Variants in ABCB5 observed in about 807,000 individuals in gnomAD.
The protein encoded by ABCB5 is ATP binding cassette subfamily B member 5.
Under a neutral mutation model 144.2 loss-of-function variants are expected in ABCB5, and 155 were observed. That is an observed-to-expected ratio of 1.08 (90% confidence interval 0.94 to 1.23). The LOEUF is 1.23. Ranked by LOEUF, ABCB5 falls within the 50% of genes most tolerant of loss-of-function variation. The pLI, the probability that ABCB5 is intolerant of heterozygous loss-of-function variation, is 0.00. For missense variants in ABCB5, 1,830 were observed against 1,520.8 expected, an observed-to-expected ratio of 1.20 and a Z score of -3.38; for synonymous variants, 610 against 528.6, an observed-to-expected ratio of 1.15 and a Z score of -2.11.
chr7:20,656,671 G>A (rs1217764662), intron 13 of ABCB5, among the ~76,000 whole-genome samples: 2 of 145,996 alleles, frequency 1.4e-5, no homozygotes, highest in Non-Finnish European at 3.0e-5. Flanking sequence ...AGTGAAATCA[G>A]TATAATCATT....
At chr7:20,684,013 A>G (rs1420291082) in intron 15 of ABCB5, among the ~76,000 whole-genome samples, 5 of 152,216 alleles carry the variant, frequency 3.3e-5, no homozygotes, top group African/African-American at 1.2e-4. Flanking sequence ...CAGTGCATCA[A>G]TTTCCTAACC....
chr7:20,680,906 A>C (rs1045808165), intron 14 of ABCB5, among the ~76,000 whole-genome samples: 2 of 152,032 alleles, frequency 1.3e-5, no homozygotes, highest in African/African-American at 4.8e-5. Flanking sequence ...CAAGGATAAG[A>C]TACTTGAATA....
intron 19 of ABCB5, among the ~76,000 whole-genome samples, chr7:20,703,048 C>A (rs986381448): frequency 6.6e-6 from 1 of 152,028 alleles, no homozygotes; most frequent in Non-Finnish European, 1.5e-5. Flanking sequence ...CAGATAATGA[C>A]TAAGATTAAT....
chr7:20,671,176 G>A (rs1785451275), intron 14 of ABCB5, among the ~76,000 whole-genome samples: 1 of 152,060 alleles, frequency 6.6e-6, no homozygotes, highest in African/African-American at 2.4e-5. Flanking sequence ...CTATATCACA[G>A]TTGTCCCCAA....
rs955465893 is a variant in ABCB5 at position 20,660,368 on chromosome 7, G to C, written c.1707+1692G>C. On this transcript the variant is annotated intron_variant, in intron 14 of 27. Transcript: ENST00000404938. ...CCCTGTTTTTCAGTTGTTTAAAGGA[G>C]AAAGAGATTAAATCAATGTAGAAAT... 35 of 985,506 alleles carry C rather than the reference G, an allele frequency of 3.6e-5. No individual in the cohort carries two copies. In the African/African-American group the frequency reaches 6.1e-4, roughly 17 times the overall value. 61.0% of individuals were successfully genotyped at this position (985,506 alleles called of 1,614,324 possible). A position where few individuals can be genotyped will look rare whatever the true frequency, so the allele number is the denominator to read the frequency against.
intron 3 of ABCB5, among the ~76,000 whole-genome samples, chr7:20,627,563 G>C (rs1435676127): frequency 6.6e-6 from 1 of 151,768 alleles, no homozygotes; most frequent in Non-Finnish European, 1.5e-5. Context: ...CTCATGATTT[G>C]GTTTTGGACA....
intron 5 of ABCB5, among the ~76,000 whole-genome samples, chr7:20,635,424 G>C (rs1333340733): frequency 6.7e-6 from 1 of 148,770 alleles, no homozygotes; most frequent in Non-Finnish European, 1.5e-5. Context: ...TTTTAGGACT[G>C]TCTTTTCTAA....
At chr7:20,647,074 A>G (rs1784428528) in intron 9 of ABCB5, among the ~76,000 whole-genome samples, 1 of 152,180 alleles carries the variant, frequency 6.6e-6, no homozygotes, top group Non-Finnish European at 1.5e-5. Flanking sequence ...GTCCCCTAAT[A>G]CAAAAATTCA....
At chr7:20,675,446 A>C (rs1039338197) in intron 14 of ABCB5, among the ~76,000 whole-genome samples, 3 of 152,034 alleles carry the variant, frequency 2.0e-5, no homozygotes, top group Non-Finnish European at 4.4e-5. Flanking sequence ...TCCACATGCA[A>C]AAGAATGAAA....
intron 15 of ABCB5, 49 bp downstream of exon 15, chr7:20,681,715 G>C (rs751015534): frequency 6.3e-7 from 1 of 1,587,298 alleles, no homozygotes; most frequent in Non-Finnish European, 8.6e-7. Flanking sequence ...TAACGTTTCA[G>C]AGATCATACC....
intron 16 of ABCB5, among the ~76,000 whole-genome samples, chr7:20,694,617 G>T (rs1363500316): frequency 6.6e-6 from 1 of 151,956 alleles, no homozygotes; most frequent in Non-Finnish European, 1.5e-5. Flanking sequence ...GAAAATAAAA[G>T]CATCCAGGTA....
chr7:20,639,830 T>C (rs1019628208), intron 5 of ABCB5, among the ~76,000 whole-genome samples: 1 of 152,246 alleles, frequency 6.6e-6, no homozygotes, highest in African/African-American at 2.4e-5. Context: ...TTGGCTATTC[T>C]GAGTTCTCTA....
At position 20,651,498 on chromosome 7, in the gene ABCB5, C is replaced by T; in HGVS notation, c.1411C>T (p.Pro471Ser). 6.2e-7 allele frequency: 1 copy of T among 1,613,946 alleles called. No individual in the cohort carries two copies. The highest frequency in any genetic ancestry group is 8.5e-7 in the Non-Finnish European group (1 of 1,179,994). ...RDHIGVVSQE[P>S]VLFGTTISNN... The stretch of plus-strand genomic sequence containing the variant: ...CCATATTGGAGTGGTTAGTCAAGAG[C>T]CTGTTTTGTTCGGGACCACCATCAG... Residue 471 changes from proline to serine, a missense_variant, in exon 13 of 28, where the codon CCT (proline) becomes TCT (serine). Pro to Ser is a moderately conservative substitution (Grantham distance 74). Transcript: ENST00000404938.
chr7:20,711,778 C>CCCTT (rs1787047186), intron 20 of ABCB5, among the ~76,000 whole-genome samples: 1 of 47,110 alleles, frequency 2.1e-5, no homozygotes, highest in Non-Finnish European at 3.6e-5. Context: ...TTCCTTCTTT[C>CCCTT]TCTTTCTTTC....
intron 5 of ABCB5, among the ~76,000 whole-genome samples, chr7:20,639,270 T>C (rs960753461): frequency 1.3e-5 from 2 of 152,222 alleles, no homozygotes; most frequent in Non-Finnish European, 2.9e-5. Context: ...TTGTTGGATA[T>C]ACAATTGGCA....
At chr7:20,725,056 T>C (rs565971664) in intron 21 of ABCB5, among the ~76,000 whole-genome samples, 64 of 152,370 alleles carry the variant, frequency 4.2e-4, no homozygotes, top group African/African-American at 1.5e-3. Flanking sequence ...TTTTATGTCA[T>C]GAGCTTTTGC....
intron 2 of ABCB5, among the ~76,000 whole-genome samples, chr7:20,625,585 G>T (rs565275530): frequency 4.5e-4 from 68 of 152,222 alleles, no homozygotes; most frequent in African/African-American, 1.6e-3. Context: ...GTTACTAAAG[G>T]TTAAAAATTG....
chr7:20,699,433 G>T (rs1786530690), intron 17 of ABCB5, among the ~76,000 whole-genome samples: 1 of 152,188 alleles, frequency 6.6e-6, no homozygotes, highest in African/African-American at 2.4e-5. Flanking sequence ...GGGTGCAATG[G>T]CTCACGCCTG....
At chr7:20,668,559 C>T (rs1296858109) in intron 14 of ABCB5, among the ~76,000 whole-genome samples, 8 of 151,610 alleles carry the variant, frequency 5.3e-5, no homozygotes, top group Non-Finnish European at 1.0e-4. Context: ...GGAGCGTCTC[C>T]GCCCGGCAGC....
Sources: allele counts gnomAD v4.1 joint callset (sites outside exome capture counted in the v4.1 genomes callset), GRCh38; gene constraint gnomAD v4.1.1; transcripts MANE v1.5; gene names NCBI Gene and HGNC (gene_info 2026-07-23, HGNC 2026-07-21).